The following STXBP6 variants were observed in gnomAD, a reference collection of about 807,000 sequenced individuals.
STXBP6 encodes syntaxin binding protein 6, also known as syntaxin-binding protein 6.
In STXBP6, 21 loss-of-function variants were observed where a neutral mutation model predicts 26.9. That is an observed-to-expected ratio of 0.78 (90% CI 0.55 to 1.12). The LOEUF (loss-of-function observed/expected upper bound fraction) is 1.12, where lower values mean the gene tolerates loss of function less well. STXBP6 is among the 50% of genes most tolerant of loss of function. The pLI is 0.00. For missense variants in STXBP6, 232 were observed against 257.9 expected, an observed-to-expected ratio of 0.90 and a Z score of 0.69; for synonymous variants, 97 against 92.6, an observed-to-expected ratio of 1.05 and a Z score of -0.27.
chr14:24,958,346 C>T lies in STXBP6; in HGVS notation c.154+16319G>A, dbSNP rs549211467. Among the ~76,000 whole-genome samples the T allele has an allele frequency of 2.0e-5, 3 of 152,220 alleles. No individual in the cohort carries two copies. The East Asian group carries it at 5.8e-4, about 29-fold the overall frequency. ...TAAACTGGTCACAGGAAAATTTAAA[C>T]TCATTTCTGCAAAACTCTCCCCCTG... On this transcript the variant is annotated intron_variant, in intron 2 of 5. Transcript: ENST00000323944.
chr14:25,021,873 C>A (rs1452832495), intron 1 of STXBP6, among the ~76,000 whole-genome samples: 3 of 152,112 alleles, frequency 2.0e-5, no homozygotes, highest in Non-Finnish European at 4.4e-5. Context: ...CTTTCATTTC[C>A]CTCTCAACGC....
chr14:24,847,010 G>C (rs757608325), intron 4 of STXBP6, among the ~76,000 whole-genome samples: 6 of 152,084 alleles, frequency 3.9e-5, no homozygotes, highest in Non-Finnish European at 8.8e-5. Context: ...TTCCAGGTAT[G>C]GAATAGGACT....
At chr14:24,815,807 T>C (rs2067957497) in intron 5 of STXBP6, 1 of 152,170 alleles carries the variant, frequency 6.6e-6, no homozygotes, top group Non-Finnish European at 1.5e-5. Flanking sequence ...GTTTCTGCGA[T>C]TGTGGTGCAC....
chr14:24,987,669 A>T (rs572926983), intron 1 of STXBP6, among the ~76,000 whole-genome samples: 1 of 152,320 alleles, frequency 6.6e-6, no homozygotes, highest in South Asian at 2.1e-4. Flanking sequence ...TCCTCCTCCA[A>T]TCCCATATCA....
At chr14:24,989,640 C>T (rs1018060405) in intron 1 of STXBP6, among the ~76,000 whole-genome samples, 2 of 152,146 alleles carry the variant, frequency 1.3e-5, no homozygotes, top group East Asian at 1.9e-4. Context: ...GTATGGTGCA[C>T]GCCTAATGTA....
At chr14:24,965,023 T>C (rs1595205905) in intron 2 of STXBP6, among the ~76,000 whole-genome samples, 1 of 152,000 alleles carries the variant, frequency 6.6e-6, no homozygotes, top group East Asian at 1.9e-4. Flanking sequence ...GACATTAGAG[T>C]GGAAATTTTC....
intron 2 of STXBP6, among the ~76,000 whole-genome samples, chr14:24,932,219 T>C (rs191174010): frequency 1.1e-4 from 16 of 152,268 alleles, no homozygotes; most frequent in East Asian, 5.8e-4. Flanking sequence ...CCAACCTGGC[T>C]AACATGGTGA....
chr14:24,976,153 G>A (rs1022305068), intron 1 of STXBP6, among the ~76,000 whole-genome samples: 9 of 152,156 alleles, frequency 5.9e-5, no homozygotes, highest in African/African-American at 2.2e-4. Context: ...CAGTTCTCCA[G>A]GAGTTGACTG....
chr14:24,953,952 T>C (rs1002953900), intron 2 of STXBP6, among the ~76,000 whole-genome samples: 2 of 151,722 alleles, frequency 1.3e-5, no homozygotes, highest in African/African-American at 4.8e-5. Context: ...ATAGAGGGGG[T>C]TGGAAGAAGA....
At chr14:24,861,797 T>C (rs974485816) in intron 2 of STXBP6, among the ~76,000 whole-genome samples, 3 of 152,144 alleles carry the variant, frequency 2.0e-5, no homozygotes, top group African/African-American at 7.2e-5. Flanking sequence ...TTTGGGGACA[T>C]AGTAAATGTT....
chr14:24,981,045 C>T (rs1198194302), intron 1 of STXBP6, among the ~76,000 whole-genome samples: 1 of 152,074 alleles, frequency 6.6e-6, no homozygotes, highest in East Asian at 1.9e-4. Flanking sequence ...GGGTTTTCCC[C>T]CTGTATTTAA....
intron 2 of STXBP6, among the ~76,000 whole-genome samples, chr14:24,884,492 C>T (rs1024465118): frequency 2.4e-4 from 36 of 152,150 alleles, no homozygotes; most frequent in African/African-American, 8.2e-4. Flanking sequence ...TCTAATATAG[C>T]TTACTTTCCA....
At chr14:24,936,527 G>C (rs572029283) in intron 2 of STXBP6, among the ~76,000 whole-genome samples, 2 of 152,288 alleles carry the variant, frequency 1.3e-5, no homozygotes, top group East Asian at 1.9e-4. Flanking sequence ...TTATAGATTA[G>C]ATTTAATCAT....
intron 2 of STXBP6, among the ~76,000 whole-genome samples, chr14:24,943,137 C>A (rs2072864423): frequency 6.6e-6 from 1 of 152,150 alleles, no homozygotes; most frequent in South Asian, 2.1e-4. Flanking sequence ...GGGTGTGAGG[C>A]AAGAAGGCTG....
intron 1 of STXBP6, among the ~76,000 whole-genome samples, chr14:24,993,262 G>A (rs956622697): frequency 1.3e-5 from 2 of 152,118 alleles, no homozygotes; most frequent in Non-Finnish European, 2.9e-5. Context: ...TCCTCGAAAC[G>A]GTTTCCAGTC....
intron 1 of STXBP6, among the ~76,000 whole-genome samples, chr14:24,984,963 G>A (rs1799434034): frequency 1.3e-5 from 2 of 152,172 alleles, no homozygotes; most frequent in South Asian, 4.2e-4. Flanking sequence ...GGTGAGGCTG[G>A]AATGCATTCT....
intron 4 of STXBP6, among the ~76,000 whole-genome samples, chr14:24,821,839 G>A (rs1243610553): frequency 6.6e-6 from 1 of 152,146 alleles, no homozygotes; most frequent in Admixed American, 6.5e-5. Flanking sequence ...GCATCATTTC[G>A]CTCTGTTGAC....
At chr14:24,894,754 G>T (rs1475689491) in intron 2 of STXBP6, among the ~76,000 whole-genome samples, 1 of 152,154 alleles carries the variant, frequency 6.6e-6, no homozygotes, top group African/African-American at 2.4e-5. Flanking sequence ...CCAGCCTAAG[G>T]AACTCTTGCA....
chr14:24,973,618 T>A (rs2073966596), intron 2 of STXBP6, among the ~76,000 whole-genome samples: 1 of 152,066 alleles, frequency 6.6e-6, no homozygotes, highest in African/African-American at 2.4e-5. Context: ...ACTCCTGACC[T>A]CAGATGATCC....
Sources: gnomAD v4.1 joint callset for allele counts (sites outside exome capture counted in the v4.1 genomes callset) on GRCh38, gnomAD v4.1.1 for gene constraint, MANE v1.5 for transcripts, NCBI Gene and HGNC (gene_info 2026-07-23, HGNC 2026-07-21) for gene names.